Variants in CACNA1A observed in about 807,000 individuals in gnomAD.
CACNA1A encodes calcium voltage-gated channel subunit alpha1 A, also known as voltage-dependent P/Q-type calcium channel subunit alpha-1A.
A neutral mutation model predicts 262.4 loss-of-function variants in CACNA1A; 57 were observed. The ratio of observed to expected loss-of-function variants is 0.22; its 90% CI spans 0.18 to 0.27. The LOEUF is 0.27. Ranked by LOEUF, CACNA1A falls within the 10% of genes least tolerant of loss-of-function variation. The pLI, the probability that CACNA1A is intolerant of heterozygous loss-of-function variation, is 1.00. For missense variants in CACNA1A, 2,526 were observed against 3,562.8 expected (o/e 0.71, Z 7.41); for synonymous variants, 1,431 against 1,419.3 (o/e 1.01, Z -0.18).
intron 3 of CACNA1A, chr19:13,451,060 C>T (rs1182634307): frequency 6.6e-6 from 1 of 152,180 alleles, no homozygotes; most frequent in African/African-American, 2.4e-5. Context: ...CATAATATGC[C>T]CTTGGAACCC....
At position 13,212,592 on chromosome 19, in the gene CACNA1A, AC is replaced by A; in HGVS notation, c.6050+38del. The A allele has an allele frequency of 6.6e-7, 1 of 1,506,670 alleles. No homozygotes were observed. The highest frequency in any genetic ancestry group is 8.9e-7 in the Non-Finnish European group (1 of 1,120,046). The allele number at this position is 1,506,670 out of a possible 1,614,324, so 93.3% of individuals were successfully genotyped here. On this transcript the variant is annotated intron_variant, in intron 41 of 46. Coordinates refer to ENST00000360228, the MANE Select transcript of CACNA1A (RefSeq NM_001127222.2). This position sits in a 1 kb window ranked among gnomAD's most constrained non-coding sequence, Gnocchi z 5.6. ...GCTTCCAGAACGTGGGGACCACGGCACCCCCACACTCCACCTCCCTGGCAGG... is the reference window on the plus strand; with the variant it reads ...GCTTCCAGAACGTGGGGACCACGGCACCCCACACTCCACCTCCCTGGCAGG...
chr19:13,244,437 C>T (rs2056172432), intron 31 of CACNA1A: 1 of 152,320 alleles, frequency 6.6e-6, no homozygotes, highest in Admixed American at 6.5e-5. Flanking sequence ...TGGTATCACC[C>T]TTGACCCTTG....
intron 35 of CACNA1A, 34 bp downstream of exon 35, chr19:13,231,675 AG>A (rs1448811900): frequency 6.3e-7 from 1 of 1,593,670 alleles, no homozygotes. Flanking sequence ...AGGCTTAGGG[AG>A]CCCAGACGGC....
Position 13,414,075 on chromosome 19 carries a change from T to C in CACNA1A, c.539+38801A>G, listed in dbSNP as rs1405217384. Among the ~76,000 whole-genome samples, 3 of 150,322 alleles carry C rather than the reference T, an allele frequency of 2.0e-5. No individual in the cohort carries two copies. The South Asian group carries it at 6.3e-4, about 32-fold the overall frequency. On this transcript the variant is annotated intron_variant, in intron 3 of 46. Coordinates refer to ENST00000360228, the MANE Select transcript of CACNA1A (RefSeq NM_001127222.2). ...CCCATCTCTACAAAAAATACAAAAA[T>C]TAGCCAGGTGTGTTGGTGCCCGTCT... is the stretch of plus-strand genomic sequence containing the variant.
chr19:13,234,765 G>A lies in CACNA1A; in HGVS notation c.5249+156C>T, dbSNP rs1226422773. 1.2e-5 allele frequency: 7 copies of A among 590,476 alleles called. No individual in the cohort carries two copies. The South Asian group carries it at 1.5e-4, about 12-fold the overall frequency. The allele number at this position is 590,476 out of a possible 1,614,324, so 36.6% of individuals were successfully genotyped here. On this transcript the variant is annotated intron_variant, in intron 34 of 46. Transcript: ENST00000360228. Reference sequence around the variant, plus strand: ...GGAAGAGAAGGGCACGCCCCCTACCGGAAAAGAAGGGTGAGGGCGCGCCCC... The same window carrying A: ...GGAAGAGAAGGGCACGCCCCCTACCAGAAAAGAAGGGTGAGGGCGCGCCCC...
intron 3 of CACNA1A, among the ~76,000 whole-genome samples, chr19:13,376,902 A>G (rs181122116): frequency 0.011 from 1,586 of 147,640 alleles, 25 homozygotes; most frequent in African/African-American, 0.037. Flanking sequence ...TATATGTGAT[A>G]TATAATTTAT....
intron 1 of CACNA1A, among the ~76,000 whole-genome samples, chr19:13,487,624 T>C (rs1980186190): frequency 6.6e-6 from 1 of 151,664 alleles, no homozygotes. Flanking sequence ...TTTAAAATGG[T>C]TAATGGTCAA....
At chr19:13,348,634 G>A (rs916525834) in intron 6 of CACNA1A, among the ~76,000 whole-genome samples, 5 of 152,176 alleles carry the variant, frequency 3.3e-5, no homozygotes, top group African/African-American at 9.7e-5. Context: ...TCAGGAGATC[G>A]AGACCATCCT....
At chr19:13,409,038 C>T (rs1488201427) in intron 3 of CACNA1A, among the ~76,000 whole-genome samples, 2 of 152,202 alleles carry the variant, frequency 1.3e-5, no homozygotes, top group Non-Finnish European at 2.9e-5. Context: ...GGGGCCTTCC[C>T]ATTCAGCACG....
At chr19:13,486,715 T>G (rs1340892011) in intron 1 of CACNA1A, among the ~76,000 whole-genome samples, 2 of 152,084 alleles carry the variant, frequency 1.3e-5, no homozygotes, top group Non-Finnish European at 2.9e-5. Context: ...TACCTCCATA[T>G]CTCTCCCTCT....
At chr19:13,437,959 C>T (rs528979271) in intron 3 of CACNA1A, among the ~76,000 whole-genome samples, 49 of 152,232 alleles carry the variant, frequency 3.2e-4, no homozygotes, top group Middle Eastern at 6.8e-3. Context: ...TTCCCTTGCA[C>T]GCCAACCACC....
In CACNA1A at chr19:13,307,824, G is replaced by A; in HGVS notation, c.1944C>T (p.Thr648=). 6.2e-7 allele frequency: 1 copy of A among 1,613,976 alleles called. No homozygotes were observed. The highest frequency in any genetic ancestry group is 8.5e-7 in the Non-Finnish European group (1 of 1,179,876). Residue 648 remains threonine, a synonymous_variant, in exon 15 of 47, where the codon ACC becomes ACT. Transcript: ENST00000360228. Reference sequence around the variant, plus strand: ...TTGCTGCTGGAAAAGTATCGAAGTTGGTGGGAGGAGTCCCTTCATCGAAAT... The same window carrying A: ...TTGCTGCTGGAAAAGTATCGAAGTTAGTGGGAGGAGTCCCTTCATCGAAAT... ...QFNFDEGTPP[T]NFDTFPAAIM...
At chr19:13,307,950 T>C (rs1033373588) in intron 14 of CACNA1A, 96 bp from the exon 15 acceptor site, 1 of 1,401,090 alleles carries the variant, frequency 7.1e-7, no homozygotes, top group Admixed American at 1.7e-5. Flanking sequence ...AACGTCTCCA[T>C]CATCTCTGTC....
At chr19:13,361,459 T>C (rs192727045) in intron 5 of CACNA1A, among the ~76,000 whole-genome samples, 201 of 152,258 alleles carry the variant, frequency 1.3e-3, no homozygotes, top group African/African-American at 4.7e-3. Context: ...AGCGATGCTT[T>C]TGAAGGTTTT....
intron 6 of CACNA1A, among the ~76,000 whole-genome samples, chr19:13,341,672 C>T (rs908572954): frequency 6.6e-6 from 1 of 152,214 alleles, no homozygotes; most frequent in Non-Finnish European, 1.5e-5. Flanking sequence ...TCACCTCCTT[C>T]AGGTTTTTTA....
At chr19:13,437,034 G>C (rs1242137221) in intron 3 of CACNA1A, among the ~76,000 whole-genome samples, 1 of 152,196 alleles carries the variant, frequency 6.6e-6, no homozygotes, top group Non-Finnish European at 1.5e-5. Flanking sequence ...TCATGTCTGG[G>C]TAAGAATTAA....
chr19:13,502,029 C>G (rs571065347), intron 1 of CACNA1A, among the ~76,000 whole-genome samples: 1 of 152,078 alleles, frequency 6.6e-6, no homozygotes, highest in Non-Finnish European at 1.5e-5. Context: ...TAAGTGACAC[C>G]ATCCTGCCCT....
intron 30 of CACNA1A, among the ~76,000 whole-genome samples, chr19:13,247,702 A>G (rs2056282285): frequency 7.8e-6 from 1 of 128,280 alleles, no homozygotes; most frequent in Admixed American, 8.7e-5. Flanking sequence ...TCCGTCAAAA[A>G]TAAATAAATA....
At chr19:13,435,823 T>TTTTTG (rs1257054119) in intron 3 of CACNA1A, among the ~76,000 whole-genome samples, 6 of 151,946 alleles carry the variant, frequency 3.9e-5, no homozygotes, top group African/African-American at 1.2e-4. Context: ...GCTTTACTTG[T>TTTTTG]TTTTGTTTTG....
Sources: gnomAD v4.1 joint callset for allele counts (sites outside exome capture counted in the v4.1 genomes callset) on GRCh38, gnomAD v4.1.1 for gene constraint, Gnocchi (gnomAD v3.1) non-coding constraint, MANE v1.5 for transcripts, NCBI Gene and HGNC (gene_info 2026-07-23, HGNC 2026-07-21) for gene names.